The following DNAH17 variants were observed in gnomAD, a reference collection of about 807,000 sequenced individuals.
DNAH17 encodes dynein axonemal heavy chain 17.
DNAH17 carries 376 observed loss-of-function variants against 485.6 expected under a neutral mutation model. The observed-to-expected ratio is 0.77, with a 90% CI of 0.71 to 0.84. The LOEUF (loss-of-function observed/expected upper bound fraction) is 0.84, where lower values mean the gene tolerates loss of function less well. DNAH17 is among the 40% of genes least tolerant of loss of function. DNAH17 has a pLI of 0.00. For synonymous variants in DNAH17, 3,031 were observed against 2,405.9 expected (o/e 1.26, Z -7.60); for missense variants, 6,370 against 5,839.3 (o/e 1.09, Z -2.96).
At chr17:78,427,698 A>G (rs113431331) in intron 77 of DNAH17, among the ~76,000 whole-genome samples, 23,793 of 152,220 alleles carry the variant, frequency 0.16, 1,990 homozygotes, top group Middle Eastern at 0.2. Context: ...CAGGCCAGGT[A>G]CAGTGGCTCA....
chr17:78,537,845 G>A (rs1415447627), intron 18 of DNAH17, among the ~76,000 whole-genome samples: 1 of 152,218 alleles, frequency 6.6e-6, no homozygotes, highest in Admixed American at 6.5e-5. Flanking sequence ...TTTATAGAAT[G>A]GAGACATTGT....
At chr17:78,505,263 G>T in intron 31 of DNAH17, 30 bp downstream of exon 31, 5 of 1,612,712 alleles carry the variant, frequency 3.1e-6, no homozygotes, top group Admixed American at 3.3e-5. Context: ...CTTGTCCTGG[G>T]TTCCCTGTGT....
intron 51 of DNAH17, chr17:78,478,770 C>T (rs1040428120): frequency 2.0e-5 from 9 of 441,700 alleles, no homozygotes; most frequent in Non-Finnish European, 3.2e-5. Flanking sequence ...ATCATCATCA[C>T]ATCACCATCA....
Position 78,476,554 on chromosome 17 carries a change from C to CT in DNAH17, c.8154+17dup, listed in dbSNP as rs1199651531. ...AGCCATTCTGGGCTCGGCAGAGGGA[C>CT]TGGGCAGCTTGACTTACATCAAAGA... On this transcript the variant is annotated intron_variant, in intron 52 of 80. Transcript: ENST00000389840. 1.9e-6 allele frequency: 3 copies of CT among 1,602,134 alleles called. No homozygotes were observed. The highest frequency in any genetic ancestry group is 2.6e-6 in the Non-Finnish European group (3 of 1,174,184).
intron 36 of DNAH17, 104 bp from the exon 37 acceptor site, chr17:78,499,216 A>G (rs1338375991): frequency 1.2e-6 from 1 of 831,534 alleles, no homozygotes. Flanking sequence ...TCTCTTCCCA[A>G]AGCTTGCTCA....
chr17:78,475,165 G>A (rs1162845205), intron 54 of DNAH17, 113 bp downstream of exon 54: 10 of 1,214,562 alleles, frequency 8.2e-6, no homozygotes, highest in Non-Finnish European at 1.2e-5. Context: ...AGGACTATTG[G>A]TGATGCTCGG....
intron 25 of DNAH17, chr17:78,522,252 G>A (rs1012840423): frequency 2.2e-5 from 4 of 179,248 alleles, no homozygotes; most frequent in Admixed American, 1.3e-4. Context: ...CCACCATGGC[G>A]GCTACCGAGG....
intron 2 of DNAH17, among the ~76,000 whole-genome samples, chr17:78,574,288 T>G (rs2092402536): frequency 6.6e-6 from 1 of 152,086 alleles, no homozygotes; most frequent in South Asian, 2.1e-4. Context: ...CCAGGAGTCT[T>G]GAGACCAGCC....
At chr17:78,524,896 CCTT>C (rs1176008004) in intron 25 of DNAH17, 110 bp downstream of exon 25, 9 of 1,444,986 alleles carry the variant, frequency 6.2e-6, no homozygotes, top group South Asian at 2.8e-5. Flanking sequence ...ACACCAGAAA[CCTT>C]CTTGTCACAT....
rs2086381378 is a variant in DNAH17 at position 78,425,144 on chromosome 17, T to G, written c.13141+202A>C. Reference sequence around the variant, plus strand: ...GGTGTTTTTGGTCTCCTCCAGACCCTGCACATTCCCTGAATCCTCTCAACC... The same window carrying G: ...GGTGTTTTTGGTCTCCTCCAGACCCGGCACATTCCCTGAATCCTCTCAACC... On this transcript the variant is annotated intron_variant, in intron 80 of 80. Transcript: ENST00000389840. The G allele has an allele frequency of 1.9e-5, 11 of 581,252 alleles. No homozygotes were observed. The South Asian group carries it at 2.3e-4, about 12-fold the overall frequency. The allele number at this position is 581,252 out of a possible 1,614,324, so 36.0% of individuals were successfully genotyped here.
chr17:78,538,188 T>C (rs960905483), intron 18 of DNAH17, among the ~76,000 whole-genome samples: 44 of 150,966 alleles, frequency 2.9e-4, no homozygotes, highest in Non-Finnish European at 5.3e-4. Context: ...TTTCCATTGT[T>C]CTGGGTTACT....
At chr17:78,524,895 A>G (rs2091024391) in intron 25 of DNAH17, 114 bp downstream of exon 25, 1 of 1,437,014 alleles carries the variant, frequency 7.0e-7, no homozygotes, top group Non-Finnish European at 9.3e-7. Flanking sequence ...AACACCAGAA[A>G]CCTTCTTGTC....
rs1406552517 is a variant in DNAH17 at position 78,424,171 on chromosome 17, C to T, written c.13142-18G>A. 1.2e-5 allele frequency: 19 copies of T among 1,598,092 alleles called. No homozygotes were observed. The highest frequency in any genetic ancestry group is 1.4e-5 in the Non-Finnish European group (17 of 1,172,534). On this transcript the variant is annotated intron_variant, in intron 80 of 80. Coordinates refer to ENST00000389840, the MANE Select transcript of DNAH17 (RefSeq NM_173628.4). ...GCGAGCCCCTGCAGGGACAGTATGGCTGAGGGTCAGGTGTGCTGCCAGTAA... is the reference window on the plus strand; with the variant it reads ...GCGAGCCCCTGCAGGGACAGTATGGTTGAGGGTCAGGTGTGCTGCCAGTAA...
intron 35 of DNAH17, 42 bp from the exon 36 acceptor site, chr17:78,500,503 T>C: frequency 6.6e-7 from 1 of 1,508,716 alleles, no homozygotes; most frequent in Non-Finnish European, 8.9e-7. Flanking sequence ...AGCGACCCCA[T>C]GGCCTCCCTG....
chr17:78,511,264 C>A (rs544938208), intron 26 of DNAH17, among the ~76,000 whole-genome samples: 1 of 152,222 alleles, frequency 6.6e-6, no homozygotes, highest in Non-Finnish European at 1.5e-5. Context: ...CGTACCACCA[C>A]GTGCAGCTAA....
At chr17:78,487,185 G>C (rs1276518362) in intron 44 of DNAH17, among the ~76,000 whole-genome samples, 4 of 152,176 alleles carry the variant, frequency 2.6e-5, no homozygotes, top group African/African-American at 4.8e-5. Context: ...TGACTGCCCA[G>C]GCTTGAGTCA....
rs141542166 is a variant in DNAH17 at position 78,524,871 on chromosome 17, G to A, written c.3864+138C>T. 2.3e-5 allele frequency: 28 copies of A among 1,220,826 alleles called. No individual in the cohort carries two copies. The East Asian group carries it at 4.2e-4, about 18-fold the overall frequency. The allele number at this position is 1,220,826 out of a possible 1,614,324, so 75.6% of individuals were successfully genotyped here. A position where few individuals can be genotyped will look rare whatever the true frequency, so the allele number is the denominator to read the frequency against. On this transcript the variant is annotated intron_variant, in intron 25 of 80. Coordinates refer to ENST00000389840, the MANE Select transcript of DNAH17 (RefSeq NM_173628.4). ...CCACCTCGCGATCTCAGGGCCCTTC[G>A]GATGCCTCCACCCAACACCAGAAAC...
chr17:78,496,869 T>A (rs2090093964), intron 37 of DNAH17: 1 of 152,072 alleles, frequency 6.6e-6, no homozygotes, highest in Non-Finnish European at 1.5e-5. Context: ...AGACAGGGTT[T>A]CACCATGCTA....
At chr17:78,498,650 C>T (rs759744649) in intron 37 of DNAH17, among the ~76,000 whole-genome samples, 5 of 152,298 alleles carry the variant, frequency 3.3e-5, no homozygotes, top group Non-Finnish European at 4.4e-5. Flanking sequence ...CTCCCTCTCC[C>T]CCTCCTTTCT....
Sources: allele counts gnomAD v4.1 joint callset (sites outside exome capture counted in the v4.1 genomes callset), GRCh38; gene constraint gnomAD v4.1.1; transcripts MANE v1.5; gene names NCBI Gene and HGNC (gene_info 2026-07-23, HGNC 2026-07-21).